Variants in MAPKAPK2 observed in about 807,000 individuals in gnomAD.
The protein encoded by MAPKAPK2 is MAP kinase-activated protein kinase 2.
MAPKAPK2 carries 9 observed loss-of-function variants against 48.8 expected under a neutral mutation model. The ratio of observed to expected loss-of-function variants is 0.18; its 90% confidence interval spans 0.11 to 0.32. MAPKAPK2 has a LOEUF of 0.32. MAPKAPK2 is among the 10% of genes least tolerant of loss of function. The probability of loss-of-function intolerance (pLI) is 1.00; values close to 1 mark genes in which losing one functional copy is unlikely to be tolerated. For synonymous variants in MAPKAPK2, 202 were observed against 190.6 expected (o/e 1.06, Z -0.49); for missense variants, 331 against 498.3 (o/e 0.66, Z 3.20).
rs782572647 is a variant in MAPKAPK2 at position 206,731,941 on chromosome 1, GA to G, written c.1059+23del. 8.1e-6 allele frequency: 13 copies of G among 1,614,194 alleles called. No individual in the cohort carries two copies. In the South Asian group the frequency reaches 1.3e-4, roughly 16 times the overall value. ...CAAGGTGAGGGGCACCACTGGGTGA[GA>G]GGGGCTCCAGGTGGGGTGGGCGGCT... On this transcript the variant is annotated intron_variant, in intron 9 of 9. Coordinates refer to ENST00000367103, the MANE Select transcript of MAPKAPK2 (RefSeq NM_032960.4). The surrounding 1 kb of genome is among the most constrained non-coding windows in gnomAD (Gnocchi z 5.9).
In MAPKAPK2 at chr1:206,703,249, A is replaced by C. The variant is rs151330442; in HGVS notation, c.279+17741A>C. ...CAGAGGCAAAACTGGTATTTAAACA[A>C]TAAGGTTTTTAAAAATCAAGCATTA... On this transcript the variant is annotated intron_variant, in intron 1 of 9. Coordinates refer to ENST00000367103, the MANE Select transcript of MAPKAPK2 (RefSeq NM_032960.4). Among the ~76,000 whole-genome samples the C allele has an allele frequency of 3.3e-5, 5 of 152,364 alleles. No individual in the cohort carries two copies. The East Asian group carries it at 9.6e-4, about 29-fold the overall frequency.
chr1:206,716,498 G>T (rs1199794304), intron 1 of MAPKAPK2, among the ~76,000 whole-genome samples: 2 of 152,140 alleles, frequency 1.3e-5, no homozygotes, highest in African/African-American at 2.4e-5. Flanking sequence ...ATGTGTGTGT[G>T]TGGGCCGCCC....
intron 1 of MAPKAPK2, among the ~76,000 whole-genome samples, chr1:206,723,076 A>C (rs1313335208): frequency 6.6e-6 from 1 of 152,194 alleles, no homozygotes; most frequent in Non-Finnish European, 1.5e-5. Context: ...CTTGGCGCTG[A>C]ATCAGAGTCT....
At chr1:206,724,220 C>G (rs569841875) in intron 1 of MAPKAPK2, among the ~76,000 whole-genome samples, 1 of 152,206 alleles carries the variant, frequency 6.6e-6, no homozygotes, top group African/African-American at 2.4e-5. Flanking sequence ...GTGGACCTGC[C>G]GCCTCGCTCT....
chr1:206,731,545 C>A lies in MAPKAPK2; in HGVS notation c.893-95C>A. ...CCGGCAGCCTGCCTCCATGCACCCC[C>A]TCTTTGAACCTGGTTTCCCCATGAA... On this transcript the variant is annotated intron_variant, in intron 7 of 9. Transcript: ENST00000367103. The surrounding 1 kb of genome is among the most constrained non-coding windows in gnomAD (Gnocchi z 5.9). 1.7e-6 allele frequency: 2 copies of A among 1,209,864 alleles called. No individual in the cohort carries two copies. Among genetic ancestry groups the A allele is most frequent in the South Asian group, 1.2e-5 (1 of 82,076 alleles). The allele number at this position is 1,209,864 out of a possible 1,614,324, so 74.9% of individuals were successfully genotyped here.
At chr1:206,691,678 C>T (rs1672464168) in intron 1 of MAPKAPK2, among the ~76,000 whole-genome samples, 1 of 151,934 alleles carries the variant, frequency 6.6e-6, no homozygotes, top group Non-Finnish European at 1.5e-5. Flanking sequence ...CCTCATTGCA[C>T]AGAGGGTCGG....
intron 1 of MAPKAPK2, among the ~76,000 whole-genome samples, chr1:206,727,184 C>T (rs537675191): frequency 2.0e-5 from 3 of 152,278 alleles, no homozygotes; most frequent in African/African-American, 7.2e-5. Context: ...TTGGCACCTG[C>T]GCTTGCACTT....
chr1:206,730,785 CT>C, intron 6 of MAPKAPK2, 22 bp downstream of exon 6: 1 of 586,374 alleles, frequency 1.7e-6, no homozygotes, highest in Non-Finnish European at 3.2e-6. Context: ...GGGGAGGGGG[CT>C]GGGTGGGGCA....
intron 2 of MAPKAPK2, 77 bp from the exon 3 acceptor site, chr1:206,728,958 A>G: frequency 6.2e-7 from 1 of 1,611,714 alleles, no homozygotes; most frequent in East Asian, 2.2e-5. Flanking sequence ...GAATGTAAAC[A>G]CTTGATTTTT....
chr1:206,702,727 C>G (rs868923939), intron 1 of MAPKAPK2, among the ~76,000 whole-genome samples: 1 of 152,214 alleles, frequency 6.6e-6, no homozygotes, highest in Non-Finnish European at 1.5e-5. Context: ...CTGAACGTGG[C>G]ATTCAAGCAA....
intron 1 of MAPKAPK2, among the ~76,000 whole-genome samples, chr1:206,699,016 C>T (rs1428678774): frequency 6.6e-6 from 1 of 152,142 alleles, no homozygotes; most frequent in East Asian, 1.9e-4. Context: ...TTAAGTTTAT[C>T]CAATATTTAT....
intron 1 of MAPKAPK2, among the ~76,000 whole-genome samples, chr1:206,694,703 C>A (rs554056962): frequency 2.0e-5 from 3 of 152,300 alleles, no homozygotes; most frequent in Non-Finnish European, 2.9e-5. Flanking sequence ...CACTAAAGGC[C>A]GTGTGTCTGG....
chr1:206,730,440 G>T (rs1037012428), intron 5 of MAPKAPK2, among the ~76,000 whole-genome samples: 1 of 152,210 alleles, frequency 6.6e-6, no homozygotes, highest in South Asian at 2.1e-4. Context: ...TAAATGAACG[G>T]CATGGGCCTG....
At chr1:206,727,358 C>G (rs950678993) in intron 1 of MAPKAPK2, among the ~76,000 whole-genome samples, 1 of 152,120 alleles carries the variant, frequency 6.6e-6, no homozygotes. Context: ...ATGCTTTTGG[C>G]TCCAAGCAAT....
intron 1 of MAPKAPK2, among the ~76,000 whole-genome samples, chr1:206,699,820 C>T (rs1291696138): frequency 6.6e-6 from 1 of 152,132 alleles, no homozygotes; most frequent in East Asian, 1.9e-4. Flanking sequence ...TGGGATGGAG[C>T]TGACCGTTAG....
intron 1 of MAPKAPK2, among the ~76,000 whole-genome samples, chr1:206,722,962 C>A (rs1673577943): frequency 6.6e-6 from 1 of 152,244 alleles, no homozygotes; most frequent in Non-Finnish European, 1.5e-5. Flanking sequence ...TTCCCCCGAC[C>A]CCCAGCTGCC....
chr1:206,685,075 A>AC lies in MAPKAPK2; in HGVS notation c.-152dup, dbSNP rs1201881466. 1 of 178,282 alleles carries AC rather than the reference A, an allele frequency of 5.6e-6. No individual in the cohort carries two copies. Among genetic ancestry groups the AC allele is most frequent in the Non-Finnish European group, 1.1e-5 (1 of 88,244 alleles). The allele number at this position is 178,282 out of a possible 1,614,324, so 11.0% of individuals were successfully genotyped here. ...GCGGTGGGACCCACGGAGCCCCGCG[A>AC]CCCGCCGAGCCTGGAGCCGGGCCGG... is the stretch of plus-strand genomic sequence containing the variant. On this transcript the variant is annotated 5_prime_UTR_variant, in exon 1 of 10. Transcript: ENST00000367103.
intron 1 of MAPKAPK2, among the ~76,000 whole-genome samples, chr1:206,709,509 G>A (rs1175634391): frequency 6.6e-6 from 1 of 152,062 alleles, no homozygotes; most frequent in African/African-American, 2.4e-5. Context: ...TAACTTTTTG[G>A]CAGCCACGTC....
chr1:206,732,313 C>G lies in MAPKAPK2; in HGVS notation c.1060-262C>G. Reference sequence around the variant, plus strand: ...GTTTCCTGACTCCTGGCCCAAGTCTCTTCCTCCTATCCTGCGGGATCACTG... The same window carrying G: ...GTTTCCTGACTCCTGGCCCAAGTCTGTTCCTCCTATCCTGCGGGATCACTG... On this transcript the variant is annotated intron_variant, in intron 9 of 9. Transcript: ENST00000367103. The surrounding 1 kb of genome is among the most constrained non-coding windows in gnomAD (Gnocchi z 4.4). 5 of 1,446,024 alleles carry G rather than the reference C, an allele frequency of 3.5e-6. No homozygotes were observed. The highest frequency in any genetic ancestry group is 3.6e-6 in the Non-Finnish European group (4 of 1,103,936). The allele number at this position is 1,446,024 out of a possible 1,614,324, so 89.6% of individuals were successfully genotyped here.
Sources: allele counts gnomAD v4.1 joint callset (sites outside exome capture counted in the v4.1 genomes callset), GRCh38; gene constraint gnomAD v4.1.1; non-coding constraint Gnocchi (gnomAD v3.1); transcripts MANE v1.5; gene names NCBI Gene and HGNC (gene_info 2026-07-23, HGNC 2026-07-21).